The following RERE variants were observed in gnomAD, a reference collection of about 807,000 sequenced individuals.
RERE encodes arginine-glutamic acid dipeptide repeats, also known as arginine-glutamic acid dipeptide repeats protein.
RERE carries 40 observed loss-of-function variants against 146.1 expected under a neutral mutation model. The ratio of observed to expected loss-of-function variants is 0.27; its 90% confidence interval spans 0.21 to 0.36. The LOEUF (loss-of-function observed/expected upper bound fraction) is 0.36. Ranked by LOEUF, RERE falls within the 10% of genes least tolerant of loss-of-function variation. The pLI is 1.00. For synonymous variants in RERE, 1,003 were observed against 866.0 expected (o/e 1.16, Z -2.78); for missense variants, 1,933 against 2,138.7 (o/e 0.90, Z 1.90).
At chr1:8,768,838 C>G (rs1640894221) in intron 1 of RERE, among the ~76,000 whole-genome samples, 1 of 152,060 alleles carries the variant, frequency 6.6e-6, no homozygotes, top group Admixed American at 6.5e-5. Flanking sequence ...ACTAGGAGGA[C>G]AAAGGAAATC....
At chr1:8,368,475 A>G (rs1047019373) in intron 12 of RERE, among the ~76,000 whole-genome samples, 4 of 143,658 alleles carry the variant, frequency 2.8e-5, no homozygotes, top group Admixed American at 1.5e-4. Flanking sequence ...CTCTGTCTCA[A>G]AGAAAAAGAA....
intron 4 of RERE, among the ~76,000 whole-genome samples, chr1:8,586,349 G>A (rs1646428146): frequency 6.6e-6 from 1 of 152,186 alleles, no homozygotes; most frequent in South Asian, 2.1e-4. Flanking sequence ...AATTGTCATT[G>A]CAGAGGACCT....
At chr1:8,386,945 C>G (rs982914407) in intron 12 of RERE, among the ~76,000 whole-genome samples, 1 of 152,162 alleles carries the variant, frequency 6.6e-6, no homozygotes, top group Non-Finnish European at 1.5e-5. Context: ...GGATTCAACA[C>G]TATCTCATTC....
At chr1:8,390,921 C>A (rs1203007710) in intron 12 of RERE, among the ~76,000 whole-genome samples, 1 of 151,976 alleles carries the variant, frequency 6.6e-6, no homozygotes, top group Non-Finnish European at 1.5e-5. Context: ...TCCTGCCTTC[C>A]AAAATATTAT....
chr1:8,776,406 T>C (rs1271182526), intron 1 of RERE, among the ~76,000 whole-genome samples: 3 of 152,128 alleles, frequency 2.0e-5, no homozygotes, highest in African/African-American at 7.2e-5. Flanking sequence ...CAAGCGACTC[T>C]AGTGCCTCAG....
intron 4 of RERE, among the ~76,000 whole-genome samples, chr1:8,598,622 G>C (rs1486922026): frequency 6.6e-6 from 1 of 152,094 alleles, no homozygotes; most frequent in South Asian, 2.1e-4. Flanking sequence ...ACTAGAAGTC[G>C]ACCATCTGGA....
chr1:8,720,132 G>A (rs1210858330), intron 1 of RERE, among the ~76,000 whole-genome samples: 1 of 151,876 alleles, frequency 6.6e-6, no homozygotes, highest in Non-Finnish European at 1.5e-5. Context: ...ATTTAGCTGG[G>A]CATGGTGGTG....
At chr1:8,701,268 G>A (rs1013159999) in intron 1 of RERE, among the ~76,000 whole-genome samples, 4 of 148,384 alleles carry the variant, frequency 2.7e-5, no homozygotes, top group African/African-American at 1.0e-4. Context: ...TGAAGGCACC[G>A]GGATGGGGGT....
chr1:8,677,538 T>C (rs1638872049), intron 1 of RERE, among the ~76,000 whole-genome samples: 1 of 151,578 alleles, frequency 6.6e-6, no homozygotes, highest in African/African-American at 2.4e-5. Flanking sequence ...ACGGTCAGTA[T>C]TTCACAGGTT....
At chr1:8,735,297 C>T (rs1445585011) in intron 1 of RERE, among the ~76,000 whole-genome samples, 2 of 152,182 alleles carry the variant, frequency 1.3e-5, no homozygotes, top group Non-Finnish European at 2.9e-5. Flanking sequence ...TAAGTGCACA[C>T]AGTTTAAAAA....
chr1:8,670,459 A>G (rs916342816), intron 1 of RERE, among the ~76,000 whole-genome samples: 1 of 152,164 alleles, frequency 6.6e-6, no homozygotes, highest in Non-Finnish European at 1.5e-5. Flanking sequence ...CTAGTGGGGG[A>G]GAGAGCAGAC....
At chr1:8,554,038 A>T (rs1645973268) in intron 6 of RERE, among the ~76,000 whole-genome samples, 1 of 151,972 alleles carries the variant, frequency 6.6e-6, no homozygotes, top group South Asian at 2.1e-4. Context: ...TTAGCTGGGC[A>T]TCGTGGCACA....
intron 6 of RERE, among the ~76,000 whole-genome samples, chr1:8,549,513 A>G (rs1028244530): frequency 6.6e-6 from 1 of 152,174 alleles, no homozygotes; most frequent in Non-Finnish European, 1.5e-5. Flanking sequence ...AGTGTAGAAG[A>G]AAAGAAAAAA....
chr1:8,448,903 T>C (rs114667098), intron 11 of RERE, among the ~76,000 whole-genome samples: 1,701 of 151,716 alleles, frequency 0.011, 28 homozygotes, highest in African/African-American at 0.039. Context: ...TTTCTTGTTT[T>C]TGAAAAATCA....
intron 4 of RERE, among the ~76,000 whole-genome samples, chr1:8,574,443 C>A (rs1646264705): frequency 7.2e-6 from 1 of 139,578 alleles, no homozygotes; most frequent in South Asian, 2.3e-4. Flanking sequence ...CTCTCGGGTT[C>A]ATGCCATTCT....
At chr1:8,666,715 A>G (rs1472886171) in intron 1 of RERE, among the ~76,000 whole-genome samples, 1 of 152,254 alleles carries the variant, frequency 6.6e-6, no homozygotes, top group African/African-American at 2.4e-5. Context: ...GCAAGATATC[A>G]CTGAAATATG....
intron 6 of RERE, among the ~76,000 whole-genome samples, chr1:8,554,139 T>C (rs1334500177): frequency 6.6e-6 from 1 of 152,060 alleles, no homozygotes; most frequent in South Asian, 2.1e-4. Context: ...TGAGCCAAGA[T>C]CAAGCCACTG....
At chr1:8,415,508 T>C (rs1396256014) in intron 12 of RERE, among the ~76,000 whole-genome samples, 1 of 152,226 alleles carries the variant, frequency 6.6e-6, no homozygotes, top group Non-Finnish European at 1.5e-5. Flanking sequence ...ATTAAAGCAT[T>C]CTCATGCCAT....
chr1:8,624,758 CAT>C (rs1305387394), intron 2 of RERE, among the ~76,000 whole-genome samples: 9 of 152,202 alleles, frequency 5.9e-5, no homozygotes, highest in Admixed American at 2.6e-4. Context: ...TACATGTTCA[CAT>C]GTCTTCGAAA....
Sources: allele counts gnomAD v4.1 joint callset (sites outside exome capture counted in the v4.1 genomes callset), GRCh38; gene constraint gnomAD v4.1.1; transcripts MANE v1.5; gene names NCBI Gene and HGNC (gene_info 2026-07-23, HGNC 2026-07-21).